Variants in GUSB observed in about 807,000 individuals in gnomAD.
GUSB encodes glucuronidase beta.
A neutral mutation model predicts 74.6 loss-of-function variants in GUSB; 51 were observed. That is an observed-to-expected ratio of 0.68 (90% CI 0.55 to 0.86). The LOEUF is 0.86. GUSB is among the 40% of genes least tolerant of loss of function. The pLI is 0.00. For synonymous variants in GUSB, 360 were observed against 348.3 expected, an observed-to-expected ratio of 1.03 and a Z score of -0.37; for missense variants, 736 against 853.7, an observed-to-expected ratio of 0.86 and a Z score of 1.72.
intron 4 of GUSB, among the ~76,000 whole-genome samples, chr7:65,978,585 G>A (rs1583938735): frequency 6.6e-6 from 1 of 151,750 alleles, no homozygotes; most frequent in African/African-American, 2.4e-5. Flanking sequence ...CAGGCCAATA[G>A]AGTGAAACCC....
chr7:65,964,762 C>T (rs866620970), intron 10 of GUSB, among the ~76,000 whole-genome samples: 3 of 152,108 alleles, frequency 2.0e-5, no homozygotes, highest in Admixed American at 2.0e-4. Flanking sequence ...GGCTAAACTA[C>T]ACTACAGGCA....
chr7:65,972,586 C>T (rs1025233028), intron 8 of GUSB, among the ~76,000 whole-genome samples: 1 of 152,156 alleles, frequency 6.6e-6, no homozygotes, highest in Admixed American at 6.6e-5. Flanking sequence ...GAAAAGAACC[C>T]CCTAGCCTCA....
At chr7:65,973,696 G>A (rs1791369699) in intron 8 of GUSB, among the ~76,000 whole-genome samples, 1 of 152,214 alleles carries the variant, frequency 6.6e-6, no homozygotes, top group Non-Finnish European at 1.5e-5. Context: ...GGCAGAGGTT[G>A]CAGTGAGCTG....
At chr7:65,965,656 A>G (rs1233020472) in intron 10 of GUSB, among the ~76,000 whole-genome samples, 1 of 152,278 alleles carries the variant, frequency 6.6e-6, no homozygotes, top group East Asian at 1.9e-4. Context: ...CAGCCTCCCA[A>G]GTGGCTTGGA....
intron 11 of GUSB, among the ~76,000 whole-genome samples, chr7:65,961,501 T>TA (rs1483031306): frequency 1.3e-5 from 2 of 152,188 alleles, no homozygotes; most frequent in South Asian, 2.1e-4. Flanking sequence ...AATATTTAAA[T>TA]ACCACTGCTC....
At chr7:65,974,052 A>C (rs1791392340) in intron 8 of GUSB, among the ~76,000 whole-genome samples, 1 of 151,232 alleles carries the variant, frequency 6.6e-6, no homozygotes, top group Non-Finnish European at 1.5e-5. Flanking sequence ...AGCGGAGATC[A>C]CCCCACTGCA....
At chr7:65,972,610 C>A (rs1791289002) in intron 8 of GUSB, among the ~76,000 whole-genome samples, 1 of 152,160 alleles carries the variant, frequency 6.6e-6, no homozygotes. Flanking sequence ...TCCAAACCCA[C>A]ACTCTCCAAC....
intron 5 of GUSB, 73 bp downstream of exon 5, chr7:65,975,942 G>A (rs1444082080): frequency 2.3e-6 from 3 of 1,279,668 alleles, no homozygotes; most frequent in African/African-American, 2.9e-5. Context: ...ACCTGTCTTG[G>A]GCTCCTGCTG....
intron 9 of GUSB, 62 bp from the exon 10 acceptor site, chr7:65,967,969 C>T (rs753886152): frequency 1.8e-5 from 25 of 1,364,150 alleles, no homozygotes; most frequent in Middle Eastern, 1.8e-4. Flanking sequence ...AGCATTCACA[C>T]ACTGCGGGGG....
intron 1 of GUSB, 157 bp downstream of exon 1, chr7:65,981,817 C>T (rs746817056): frequency 1.6e-6 from 1 of 639,388 alleles, no homozygotes; most frequent in Non-Finnish European, 2.6e-6. Context: ...CCTGTTCCCC[C>T]GTCCCCCAAG....
At position 65,960,719 on chromosome 7, in the gene GUSB, C is replaced by T; in HGVS notation, c.*178G>A. On this transcript the variant is annotated 3_prime_UTR_variant, in exon 12 of 12. Transcript: ENST00000304895. Reference sequence around the variant, plus strand: ...CCACTTTCATGCCAACTCTTTATTTCCATAATAGAAAATCTTTTATTTCCA... The same window carrying T: ...CCACTTTCATGCCAACTCTTTATTTTCATAATAGAAAATCTTTTATTTCCA... 1.6e-6 allele frequency: 1 copy of T among 633,926 alleles called. No homozygotes were observed. The highest frequency in any genetic ancestry group is 2.8e-6 in the Non-Finnish European group (1 of 356,722). 39.3% of individuals were successfully genotyped at this position (633,926 alleles called of 1,614,324 possible).
At chr7:65,980,097 G>A (rs539767109) in intron 2 of GUSB, 127 bp downstream of exon 2, 1 of 1,006,200 alleles carries the variant, frequency 9.9e-7, no homozygotes, top group South Asian at 1.4e-5. Context: ...CAGCCCCCAG[G>A]GCAGGGCAGG....
At chr7:65,981,657 G>A (rs952607563) in intron 1 of GUSB, among the ~76,000 whole-genome samples, 6 of 151,944 alleles carry the variant, frequency 3.9e-5, no homozygotes, top group African/African-American at 1.5e-4. Flanking sequence ...CTGGGAAACA[G>A]GTGCAAACCC....
intron 5 of GUSB, chr7:65,975,800 G>A (rs1791526116): frequency 3.9e-6 from 2 of 506,396 alleles, no homozygotes; most frequent in East Asian, 3.5e-5. Flanking sequence ...GCAGTGAGCT[G>A]TGATCAGGCC....
chr7:65,967,861 T>C lies in GUSB; in HGVS notation c.1523A>G (p.Tyr508Cys), dbSNP rs1790938669. 2 of 1,605,690 alleles carry C rather than the reference T, an allele frequency of 1.2e-6. No individual in the cohort carries two copies. The highest frequency in any genetic ancestry group is 1.3e-5 in the African/African-American group (1 of 74,938). ...CAACTCCAGGTGCCCGTAGTCGTGA[T>C]ACCAAGAGTAGTAGCTGTTCAAACA... ...VICLNSYYSW[Y>C]HDYGHLELIQ... Residue 508 changes from tyrosine (Y) to cysteine (C), a missense_variant, in exon 10 of 12, where the codon TAT becomes TGT. Physicochemically the swap from Tyr to Cys is radical, Grantham distance 194 (BLOSUM62 -2). Transcript: ENST00000304895.
Position 65,974,513 on chromosome 7 carries a change from A to G in GUSB, c.1244+13T>C. ...GGCTGGGCAGGCGGAGCAGGTGCACAGCAGAGACTCACGGCAGCGCCAGGC... is the reference window on the plus strand; with the variant it reads ...GGCTGGGCAGGCGGAGCAGGTGCACGGCAGAGACTCACGGCAGCGCCAGGC... On this transcript the variant is annotated intron_variant, in intron 7 of 11. Transcript: ENST00000304895. 1 of 1,614,154 alleles carries G rather than the reference A, an allele frequency of 6.2e-7. No homozygotes were observed. Among genetic ancestry groups the G allele is most frequent in the Non-Finnish European group, 8.5e-7 (1 of 1,180,034 alleles).
chr7:65,969,314 G>A (rs1791045125), intron 9 of GUSB, among the ~76,000 whole-genome samples: 1 of 152,150 alleles, frequency 6.6e-6, no homozygotes, highest in South Asian at 2.1e-4. Flanking sequence ...GGGAGGACGA[G>A]GTTGCAGCGA....
At chr7:65,971,527 G>T (rs1422900208) in intron 8 of GUSB, among the ~76,000 whole-genome samples, 2 of 152,102 alleles carry the variant, frequency 1.3e-5, no homozygotes, top group South Asian at 4.1e-4. Context: ...AAGAGTTTGA[G>T]ACCAGCCTGG....
chr7:65,974,746 G>C (rs941864187), intron 6 of GUSB, 42 bp from the exon 7 acceptor site: 12 of 1,605,450 alleles, frequency 7.5e-6, no homozygotes, highest in Non-Finnish European at 9.4e-6. Context: ...CCCTGTCGAA[G>C]CTGCACTTCC....
Sources: gnomAD v4.1 joint callset for allele counts (sites outside exome capture counted in the v4.1 genomes callset) on GRCh38, gnomAD v4.1.1 for gene constraint, MANE v1.5 for transcripts, NCBI Gene and HGNC (gene_info 2026-07-23, HGNC 2026-07-21) for gene names.